The following MARCHF1 variants were observed in gnomAD, a reference collection of about 807,000 sequenced individuals.
MARCHF1 encodes E3 ubiquitin-protein ligase MARCHF1.
A neutral mutation model predicts 54.2 loss-of-function variants in MARCHF1; 40 were observed. The ratio of observed to expected loss-of-function variants is 0.74; its 90% CI spans 0.57 to 0.96. The LOEUF is 0.96. Ranked by LOEUF, MARCHF1 falls within the 40% of genes least tolerant of loss-of-function variation. The pLI, the probability that MARCHF1 is intolerant of heterozygous loss-of-function variation, is 0.00. For synonymous variants in MARCHF1, 236 were observed against 236.3 expected (o/e 1.00, Z 0.01); for missense variants, 586 against 656.5 (o/e 0.89, Z 1.17).
chr4:163,629,614 A>T (rs1048091476), intron 5 of MARCHF1, among the ~76,000 whole-genome samples: 4 of 152,228 alleles, frequency 2.6e-5, no homozygotes, highest in Non-Finnish European at 5.9e-5. Context: ...CATCAGAGTG[A>T]ACAGGCAACC....
intron 1 of MARCHF1, among the ~76,000 whole-genome samples, chr4:164,297,782 AT>A (rs1217554509): frequency 2.6e-5 from 4 of 152,134 alleles, no homozygotes; most frequent in Admixed American, 2.6e-4. Context: ...TACCGTTGCA[AT>A]TTTTCTATAA....
intron 5 of MARCHF1, chr4:163,613,748 G>T: frequency 3.4e-6 from 1 of 293,214 alleles, no homozygotes; most frequent in Non-Finnish European, 5.1e-6. Context: ...ATGGACTAAA[G>T]CACTATTATG....
rs1578907668 is a variant in MARCHF1 at position 164,370,801 on chromosome 4, G to A, written c.-323+13069C>T. 5.3e-5 allele frequency among the ~76,000 whole-genome samples: 8 copies of A among 152,176 alleles called. No homozygotes were observed. The South Asian group carries it at 1.2e-3, about 24-fold the overall frequency. On this transcript the variant is annotated intron_variant, in intron 1 of 9. Transcript: ENST00000514618. ...CGTGCCCCTGTAGTCCCAGCTACTT[G>A]GGAGGCTGAGACAGGAGAATCTCTT... is the stretch of plus-strand genomic sequence containing the variant.
intron 3 of MARCHF1, among the ~76,000 whole-genome samples, chr4:163,922,090 AC>A (rs1167427963): frequency 1.3e-5 from 2 of 152,070 alleles, no homozygotes; most frequent in East Asian, 3.9e-4. Flanking sequence ...GAAGCTGGAA[AC>A]CATCATTCTC....
intron 3 of MARCHF1, among the ~76,000 whole-genome samples, chr4:163,976,486 G>A (rs1468788124): frequency 6.6e-6 from 1 of 152,096 alleles, no homozygotes; most frequent in African/African-American, 2.4e-5. Context: ...TAAAGCAAGG[G>A]CCTAAAATTA....
chr4:163,888,058 T>A (rs1018741015), intron 3 of MARCHF1, among the ~76,000 whole-genome samples: 33 of 152,174 alleles, frequency 2.2e-4, no homozygotes, highest in African/African-American at 7.5e-4. Flanking sequence ...ACTTAAAAAT[T>A]GTGAAAATAG....
rs546361701 is a variant in MARCHF1 at position 164,086,285 on chromosome 4, C to T, written c.-248+25303G>A. 1.2e-3 allele frequency among the ~76,000 whole-genome samples: 177 copies of T among 151,734 alleles called. 2 individuals are homozygous for T. The highest frequency in any genetic ancestry group is 8.5e-3 in the South Asian group (41 of 4,806). On this transcript the variant is annotated intron_variant, in intron 2 of 9. Transcript: ENST00000514618. ...AAATACTGGCTAAAAATATACATTGCCATGGAGATGTATCATGAATCTTTT... is the reference window on the plus strand; with the variant it reads ...AAATACTGGCTAAAAATATACATTGTCATGGAGATGTATCATGAATCTTTT...
chr4:164,091,096 A>G (rs1264467228), intron 2 of MARCHF1, among the ~76,000 whole-genome samples: 1 of 152,150 alleles, frequency 6.6e-6, no homozygotes, highest in Admixed American at 6.6e-5. Flanking sequence ...TGTGAAAGAA[A>G]TAAGGTCACA....
intron 2 of MARCHF1, among the ~76,000 whole-genome samples, chr4:164,081,498 C>T (rs1755100395): frequency 6.6e-6 from 1 of 151,958 alleles, no homozygotes; most frequent in Non-Finnish European, 1.5e-5. Context: ...ACAAAAGAAG[C>T]CCAGTAAAGA....
intron 4 of MARCHF1, among the ~76,000 whole-genome samples, chr4:163,814,607 G>T (rs1748485044): frequency 6.6e-6 from 1 of 152,002 alleles, no homozygotes; most frequent in Admixed American, 6.6e-5. Flanking sequence ...ATAAAAAATT[G>T]TTTGCTGTGG....
intron 2 of MARCHF1, among the ~76,000 whole-genome samples, chr4:164,101,035 G>A (rs371947475): frequency 1.8e-4 from 28 of 152,334 alleles, no homozygotes; most frequent in Admixed American, 8.5e-4. Flanking sequence ...ACTCCCACCC[G>A]AATACTGCGC....
At chr4:163,963,448 A>C (rs147378501) in intron 3 of MARCHF1, among the ~76,000 whole-genome samples, 134 of 152,088 alleles carry the variant, frequency 8.8e-4, no homozygotes, top group African/African-American at 3.0e-3. Flanking sequence ...AGTGAATTAC[A>C]GTTTATAAAG....
intron 1 of MARCHF1, among the ~76,000 whole-genome samples, chr4:164,154,613 G>A (rs1447470389): frequency 6.6e-6 from 1 of 152,222 alleles, no homozygotes; most frequent in Non-Finnish European, 1.5e-5. Flanking sequence ...AGATGGGCAG[G>A]TGCAGGAAAT....
At chr4:163,673,326 G>A (rs1743798820) in intron 5 of MARCHF1, among the ~76,000 whole-genome samples, 1 of 152,160 alleles carries the variant, frequency 6.6e-6, no homozygotes, top group Non-Finnish European at 1.5e-5. Flanking sequence ...GGATGTTGAC[G>A]AGGATTTTAA....
chr4:164,327,450 G>A (rs1422017387), intron 1 of MARCHF1, among the ~76,000 whole-genome samples: 3 of 152,132 alleles, frequency 2.0e-5, no homozygotes, highest in East Asian at 1.9e-4. Context: ...AGCTAAAGTC[G>A]GGGCAAGGGA....
chr4:164,003,563 A>G (rs1753226990), intron 2 of MARCHF1, among the ~76,000 whole-genome samples: 1 of 152,088 alleles, frequency 6.6e-6, no homozygotes, highest in Non-Finnish European at 1.5e-5. Flanking sequence ...ATAAAGAAAC[A>G]CATTTCATTA....
intron 2 of MARCHF1, among the ~76,000 whole-genome samples, chr4:164,073,475 A>G (rs576113273): frequency 1.5e-3 from 222 of 152,158 alleles, no homozygotes; most frequent in South Asian, 0.01. Flanking sequence ...GGAGGGGAAC[A>G]TCACACAGTG....
intron 3 of MARCHF1, among the ~76,000 whole-genome samples, chr4:163,888,288 A>G (rs1750582505): frequency 6.6e-6 from 1 of 152,190 alleles, no homozygotes; most frequent in Non-Finnish European, 1.5e-5. Context: ...AATATACTAA[A>G]GAAAAGAAGT....
At chr4:163,761,436 A>G (rs1231488063) in intron 4 of MARCHF1, among the ~76,000 whole-genome samples, 1 of 152,186 alleles carries the variant, frequency 6.6e-6, no homozygotes, top group Non-Finnish European at 1.5e-5. Flanking sequence ...CCTTGAAGGC[A>G]TTGGTGTCCT....
Sources: allele counts gnomAD v4.1 joint callset (sites outside exome capture counted in the v4.1 genomes callset), GRCh38; gene constraint gnomAD v4.1.1; transcripts MANE v1.5; gene names NCBI Gene and HGNC (gene_info 2026-07-23, HGNC 2026-07-21).